The following SUGP1 variants were observed in gnomAD, a reference collection of about 807,000 sequenced individuals.
SUGP1 encodes SURP and G-patch domain containing 1.
Under a neutral mutation model 76.5 loss-of-function variants are expected in SUGP1, and 34 were observed. That is an observed-to-expected ratio of 0.44 (90% CI 0.34 to 0.59). SUGP1 has a LOEUF of 0.59. Ranked by LOEUF, SUGP1 falls within the 20% of genes least tolerant of loss-of-function variation. SUGP1 has a pLI of 0.01. For missense variants in SUGP1, 752 were observed against 851.7 expected (o/e 0.88, Z 1.46); for synonymous variants, 326 against 326.2 (o/e 1.00, Z 0.01).
chr19:19,303,946 G>A, intron 4 of SUGP1, 99 bp from the exon 5 acceptor site: 1 of 1,601,242 alleles, frequency 6.2e-7, no homozygotes, highest in Non-Finnish European at 8.5e-7. Flanking sequence ...GGTGGGGGGA[G>A]AAGAGTGTGA....
At chr19:19,291,560 CAAGT>C (rs1394928072) in intron 8 of SUGP1, among the ~76,000 whole-genome samples, 1 of 151,940 alleles carries the variant, frequency 6.6e-6, no homozygotes, top group Non-Finnish European at 1.5e-5. Context: ...TCTGAATAGA[CAAGT>C]AAATCAGGAT....
intron 9 of SUGP1, 63 bp downstream of exon 9, chr19:19,280,122 G>T: frequency 6.7e-7 from 1 of 1,483,696 alleles, no homozygotes; most frequent in Middle Eastern, 1.7e-4. Context: ...TGCACCCGGG[G>T]GTAGAGGACA....
chr19:19,316,431 T>C lies in SUGP1; in HGVS notation c.197A>G (p.His66Arg). The C allele has an allele frequency of 6.2e-7, 1 of 1,613,934 alleles. No individual in the cohort carries two copies. ...QNQVASPQPPHPGEITNAHNS... is the reference protein window; with the variant it reads ...QNQVASPQPPRPGEITNAHNS... ...CCCAGCAGGCACTTACTCGCCAGGATGTGGGGGCTGAGGGCTGGCCACCTG... is the reference window on the plus strand; with the variant it reads ...CCCAGCAGGCACTTACTCGCCAGGACGTGGGGGCTGAGGGCTGGCCACCTG... The change falls in exon 2 of 14, where the codon CAT (histidine) becomes CGT (arginine). Residue 66 changes from histidine (H) to arginine (R), a missense_variant. This residue lies in a region of SUGP1 where 620 missense variants were observed against 617.3 expected (regional missense o/e 1.00). Coordinates refer to ENST00000247001, the MANE Select transcript of SUGP1 (RefSeq NM_172231.4).
chr19:19,307,162 C>T (rs982238862), intron 3 of SUGP1, among the ~76,000 whole-genome samples: 3 of 152,092 alleles, frequency 2.0e-5, no homozygotes, highest in Non-Finnish European at 4.4e-5. Flanking sequence ...AGCAATCCTC[C>T]CAGCTCAGCC....
intron 7 of SUGP1, among the ~76,000 whole-genome samples, chr19:19,301,439 C>G (rs2061270745): frequency 6.6e-6 from 1 of 152,198 alleles, no homozygotes; most frequent in Non-Finnish European, 1.5e-5. Context: ...TGTCTGCCCA[C>G]CCTCCACGAC....
chr19:19,297,416 G>GTTCTGGCCTTCTGGGCAGGAGCAC, intron 7 of SUGP1, 72 bp from the exon 8 acceptor site: 1 of 1,332,268 alleles, frequency 7.5e-7, no homozygotes, highest in Non-Finnish European at 1.0e-6. Flanking sequence ...GGCAGGAGCA[G>GTTCTGGCCTTCTGGGCAGGAGCAC]TTCTGGCCTT....
intron 8 of SUGP1, among the ~76,000 whole-genome samples, chr19:19,292,821 G>C (rs1042124832): frequency 6.6e-6 from 1 of 152,156 alleles, no homozygotes; most frequent in Admixed American, 6.5e-5. Flanking sequence ...GCAATGCAAG[G>C]ATGGCTCAAC....
chr19:19,297,429 G>GGGCAGGAGCAGTTCTGGCCT, intron 7 of SUGP1, 85 bp from the exon 8 acceptor site: 33 of 1,131,790 alleles, frequency 2.9e-5, no homozygotes, highest in Non-Finnish European at 3.8e-5. Flanking sequence ...CTGGCCTTGT[G>GGGCAGGAGCAGTTCTGGCCT]TGCCCACGTT....
chr19:19,305,647 G>A (rs1049345536), intron 4 of SUGP1: 15 of 526,526 alleles, frequency 2.8e-5, no homozygotes, highest in Non-Finnish European at 4.4e-5. Context: ...ACGCGCTGAT[G>A]CCCAGCAACA....
intron 7 of SUGP1, among the ~76,000 whole-genome samples, chr19:19,300,766 G>C (rs2061265857): frequency 6.6e-6 from 1 of 152,128 alleles, no homozygotes; most frequent in South Asian, 2.1e-4. Context: ...CAACCAGCCT[G>C]GCCTCCCCGA....
chr19:19,316,635 C>T, intron 1 of SUGP1, 42 bp from the exon 2 acceptor site: 1 of 1,605,314 alleles, frequency 6.2e-7, no homozygotes, highest in Non-Finnish European at 8.5e-7. Flanking sequence ...ACCCTTACTC[C>T]ACAAACACCC....
At chr19:19,295,551 CTGAGA>C (rs1429051957) in intron 8 of SUGP1, among the ~76,000 whole-genome samples, 27 of 138,990 alleles carry the variant, frequency 1.9e-4, no homozygotes, top group East Asian at 1.5e-3. Flanking sequence ...TTGCAGTGAG[CTGAGA>C]CTGTGCCACA....
chr19:19,294,054 G>A (rs2061206071), intron 8 of SUGP1, among the ~76,000 whole-genome samples: 1 of 152,038 alleles, frequency 6.6e-6, no homozygotes, highest in Non-Finnish European at 1.5e-5. Flanking sequence ...AGGCATGGAA[G>A]AGCATGTCTG....
intron 8 of SUGP1, among the ~76,000 whole-genome samples, chr19:19,292,272 C>CAAAA (rs543248625): frequency 1.6e-5 from 1 of 61,154 alleles, no homozygotes; most frequent in African/African-American, 6.5e-5. Context: ...GACTCCGTCT[C>CAAAA]AAAAAAAAAA....
chr19:19,288,035 A>G (rs944885940), intron 8 of SUGP1, among the ~76,000 whole-genome samples: 2 of 151,986 alleles, frequency 1.3e-5, no homozygotes, highest in African/African-American at 4.8e-5. Flanking sequence ...AATAGTCAAT[A>G]TATTTTCTCT....
intron 1 of SUGP1, among the ~76,000 whole-genome samples, chr19:19,319,180 C>T (rs756983060): frequency 6.6e-6 from 1 of 152,104 alleles, no homozygotes; most frequent in Non-Finnish European, 1.5e-5. Context: ...CGACATCGTG[C>T]CACTGCACTC....
At chr19:19,303,229 G>T in intron 6 of SUGP1, 119 bp downstream of exon 6, 1 of 797,884 alleles carries the variant, frequency 1.3e-6, no homozygotes, top group East Asian at 2.5e-5. Flanking sequence ...GAGAATACAG[G>T]CCTCAACCAC....
intron 4 of SUGP1, among the ~76,000 whole-genome samples, chr19:19,304,834 G>A (rs990452641): frequency 2.6e-5 from 4 of 152,122 alleles, no homozygotes; most frequent in African/African-American, 9.7e-5. Flanking sequence ...AGCCCAACGA[G>A]GGCCCCTGTG....
intron 8 of SUGP1, among the ~76,000 whole-genome samples, chr19:19,285,100 C>T: frequency 6.6e-6 from 1 of 151,976 alleles, no homozygotes; most frequent in Non-Finnish European, 1.5e-5. Context: ...ATCTCCTGAC[C>T]TCGTGATCCG....
Sources: gnomAD v4.1 joint callset for allele counts (sites outside exome capture counted in the v4.1 genomes callset) on GRCh38, gnomAD v4.1.1 for gene constraint, gnomAD v4.1.1 regional missense constraint, MANE v1.5 for transcripts, NCBI Gene and HGNC (gene_info 2026-07-23, HGNC 2026-07-21) for gene names.